HUWE1: variants seen among roughly 807,000 people sequenced by gnomAD.
HUWE1 encodes E3 ubiquitin-protein ligase HUWE1.
HUWE1 carries 18 observed loss-of-function variants against 299.4 expected under a neutral mutation model. That is an observed-to-expected ratio of 0.06 (90% CI 0.04 to 0.09). HUWE1 has a LOEUF of 0.09. Among genes scored for constraint, HUWE1 ranks in the 10% least tolerant of loss-of-function variants. The probability of loss-of-function intolerance (pLI) is 1.00; values close to 1 mark genes in which losing one functional copy is unlikely to be tolerated. For missense variants in HUWE1, 1,832 were observed against 3,462.3 expected (o/e 0.53, Z 11.82); for synonymous variants, 1,317 against 1,286.1 (o/e 1.02, Z -0.51).
At chrX:53,548,874 G>T in intron 67 of HUWE1, 85 bp downstream of exon 67, 1 of 806,471 alleles carries the variant, frequency 1.2e-6, no homozygotes, top group Non-Finnish European at 1.8e-6. Context: ...AAAAAGACAC[G>T]CTAGCCTGCT....
chrX:53,598,964 T>A (rs1164442348), intron 29 of HUWE1, among the ~76,000 whole-genome samples: 1 of 112,632 alleles, frequency 8.9e-6, no homozygotes, highest in Admixed American at 9.4e-5. Context: ...GATTTCTTTA[T>A]CCTAATTAGG....
At chrX:53,660,981 G>C (rs1160179534) in intron 3 of HUWE1, among the ~76,000 whole-genome samples, 6 of 109,947 alleles carry the variant, frequency 5.5e-5, no homozygotes. Flanking sequence ...TTAGCACCAA[G>C]ATCTAAATCC....
At chrX:53,681,923 G>A (rs1191928979) in intron 2 of HUWE1, among the ~76,000 whole-genome samples, 1 of 111,391 alleles carries the variant, frequency 9.0e-6, no homozygotes, top group Non-Finnish European at 1.9e-5. Flanking sequence ...TAGTGATTAC[G>A]CACTGAAATT....
rs1166773020 is a variant in HUWE1 at position 53,623,017 on chromosome X, G to A, written c.1672+1578C>T. Among the ~76,000 whole-genome samples the A allele has an allele frequency of 2.7e-5, 3 of 111,531 alleles. No homozygotes were observed. In the East Asian group the frequency reaches 8.4e-4, roughly 31 times the overall value. ...GGTTGCTATGCTAATTTAAATGTGAGGGATGAATTAAGAAAACCATAGGGA... is the reference window on the plus strand; with the variant it reads ...GGTTGCTATGCTAATTTAAATGTGAAGGATGAATTAAGAAAACCATAGGGA... On this transcript the variant is annotated intron_variant, in intron 19 of 83. Coordinates refer to ENST00000262854, the MANE Select transcript of HUWE1 (RefSeq NM_031407.7).
chrX:53,592,433 G>T lies in HUWE1; in HGVS notation c.3937C>A (p.Arg1313=). Residue 1313 remains arginine, a synonymous_variant, in exon 33 of 84, where the codon CGG becomes AGG. Coordinates refer to ENST00000262854, the MANE Select transcript of HUWE1 (RefSeq NM_031407.7). The part of the protein sequence containing the change: ...DTGQEEGGSR[R]EPQVNQQQLQ... ...TGTTGCTGGTTGACTTGAGGTTCCCGGCGGGAGCCACCTTCCTCTTGCCCT... is the reference window on the plus strand; with the variant it reads ...TGTTGCTGGTTGACTTGAGGTTCCCTGCGGGAGCCACCTTCCTCTTGCCCT... 1 of 1,210,237 alleles carries T rather than the reference G, an allele frequency of 8.3e-7. No individual in the cohort carries two copies. Among genetic ancestry groups the T allele is most frequent in the Non-Finnish European group, 1.1e-6 (1 of 894,831 alleles).
chrX:53,554,953 G>C, intron 60 of HUWE1, 33 bp from the exon 61 acceptor site: 1 of 1,099,619 alleles, frequency 9.1e-7, no homozygotes, highest in Admixed American at 2.8e-5. Flanking sequence ...AGTGGTTAAG[G>C]GGCAACCAGC....
chrX:53,638,450 A>G (rs1420428989), intron 7 of HUWE1, among the ~76,000 whole-genome samples: 1 of 112,671 alleles, frequency 8.9e-6, no homozygotes, highest in Non-Finnish European at 1.9e-5. Context: ...ATAACCCATA[A>G]ATAACTATAT....
At chrX:53,646,658 T>A (rs781845975) in intron 6 of HUWE1, among the ~76,000 whole-genome samples, 1 of 111,855 alleles carries the variant, frequency 8.9e-6, no homozygotes, top group Non-Finnish European at 1.9e-5. Flanking sequence ...TAAAGCTCTG[T>A]ATGTTAGGCC....
chrX:53,645,251 G>A, intron 7 of HUWE1, 60 bp downstream of exon 7: 3 of 1,139,376 alleles, frequency 2.6e-6, no homozygotes, highest in Non-Finnish European at 3.6e-6. Flanking sequence ...AGAAACACCT[G>A]TTGAAAGGAA....
intron 3 of HUWE1, among the ~76,000 whole-genome samples, chrX:53,655,532 T>C (rs191031662): frequency 8.9e-6 from 1 of 112,395 alleles, no homozygotes; most frequent in East Asian, 2.8e-4. Flanking sequence ...TCAGTATCAA[T>C]ACAAAATGAA....
intron 45 of HUWE1, 84 bp from the exon 46 acceptor site, chrX:53,575,305 G>A: frequency 5.7e-6 from 4 of 696,157 alleles, no homozygotes; most frequent in Non-Finnish European, 9.1e-6. Flanking sequence ...CAGGGCACTG[G>A]CTGGGAATGC....
intron 3 of HUWE1, among the ~76,000 whole-genome samples, chrX:53,673,857 T>A (rs1450903535): frequency 9.0e-6 from 1 of 111,471 alleles, no homozygotes; most frequent in African/African-American, 3.3e-5. Flanking sequence ...GAAATGCACA[T>A]ATTACAGAAA....
At chrX:53,548,361 G>C in intron 67 of HUWE1, 88 bp from the exon 68 acceptor site, 1 of 1,030,946 alleles carries the variant, frequency 9.7e-7, no homozygotes, top group Non-Finnish European at 1.3e-6. Flanking sequence ...CTGGTTCCCA[G>C]ACTCCTTCAG....
At chrX:53,579,429 G>A (rs782626728) in intron 43 of HUWE1, among the ~76,000 whole-genome samples, 2 of 111,664 alleles carry the variant, frequency 1.8e-5, no homozygotes, top group South Asian at 3.8e-4. Context: ...GCCCGGCCAC[G>A]ACCCCGTCTG....
intron 3 of HUWE1, among the ~76,000 whole-genome samples, chrX:53,667,401 C>T (rs1211385843): frequency 1.8e-5 from 2 of 111,809 alleles, no homozygotes; most frequent in African/African-American, 3.3e-5. Context: ...CTTACTGTAC[C>T]CAACCGACCA....
intron 4 of HUWE1, among the ~76,000 whole-genome samples, chrX:53,651,110 T>C (rs1263604056): frequency 1.8e-5 from 2 of 110,704 alleles, no homozygotes; most frequent in African/African-American, 6.6e-5. Context: ...GTTACAAATA[T>C]TTTCCCCAGC....
chrX:53,593,701 C>T (rs1556981712), intron 31 of HUWE1, 100 bp from the exon 32 acceptor site: 6 of 587,742 alleles, frequency 1.0e-5, no homozygotes, highest in Non-Finnish European at 8.7e-6. Context: ...TGGCCCTACA[C>T]GTCCCTCTTC....
At chrX:53,564,823 T>A (rs2062451426) in intron 50 of HUWE1, 101 bp from the exon 51 acceptor site, 1 of 1,062,449 alleles carries the variant, frequency 9.4e-7, no homozygotes, top group African/African-American at 1.8e-5. Context: ...TTGGGCAAGT[T>A]TGTAAGTTCT....
At chrX:53,543,477 A>G (rs1259762855) in intron 73 of HUWE1, among the ~76,000 whole-genome samples, 2 of 110,750 alleles carry the variant, frequency 1.8e-5, no homozygotes, top group African/African-American at 6.6e-5. Context: ...GGGACTTTCA[A>G]TGGTAGGATT....
Sources: gnomAD v4.1 joint callset for allele counts (sites outside exome capture counted in the v4.1 genomes callset) on GRCh38, gnomAD v4.1.1 for gene constraint, MANE v1.5 for transcripts, NCBI Gene and HGNC (gene_info 2026-07-23, HGNC 2026-07-21) for gene names.